PCDHGA7: variants seen among roughly 807,000 people sequenced by gnomAD.
The protein encoded by PCDHGA7 is protocadherin gamma-A7.
Under a neutral mutation model 58.3 loss-of-function variants are expected in PCDHGA7, and 44 were observed. The observed-to-expected ratio is 0.75, with a 90% CI of 0.59 to 0.97. The LOEUF (loss-of-function observed/expected upper bound fraction) is 0.97, where lower values mean the gene tolerates loss of function less well. Ranked by LOEUF, PCDHGA7 falls within the 50% of genes least tolerant of loss-of-function variation. The pLI is 0.00. For missense variants in PCDHGA7, 1,266 were observed against 1,188.7 expected (o/e 1.06, Z -0.96); for synonymous variants, 516 against 504.2 (o/e 1.02, Z -0.31).
At chr5:141,402,487 A>G (rs1239262921) in intron 1 of PCDHGA7, among the ~76,000 whole-genome samples, 1 of 152,226 alleles carries the variant, frequency 6.6e-6, no homozygotes, top group Non-Finnish European at 1.5e-5. Flanking sequence ...AAGTTCTACC[A>G]AGAATAAGAA....
intron 1 of PCDHGA7, chr5:141,423,601 C>A (rs372165060): frequency 1.9e-6 from 3 of 1,612,704 alleles, no homozygotes; most frequent in Non-Finnish European, 2.5e-6. Flanking sequence ...AAGCGAGCCA[C>A]TCTTGATAGC....
intron 1 of PCDHGA7, among the ~76,000 whole-genome samples, chr5:141,471,887 G>T (rs1215891997): frequency 6.6e-6 from 1 of 152,152 alleles, no homozygotes; most frequent in African/African-American, 2.4e-5. Context: ...CTGAAGCTAG[G>T]AAGATTGACT....
At chr5:141,452,839 C>A (rs939513310) in intron 1 of PCDHGA7, among the ~76,000 whole-genome samples, 2 of 152,092 alleles carry the variant, frequency 1.3e-5, no homozygotes, top group Non-Finnish European at 2.9e-5. Flanking sequence ...TTGGTCCAGC[C>A]CACACTCTGG....
rs778246278 is a variant in PCDHGA7 at position 141,491,522 on chromosome 5, A to C, written c.2425-3285A>C. The C allele has an allele frequency of 6.2e-6, 10 of 1,614,024 alleles. No individual in the cohort carries two copies. The highest frequency in any genetic ancestry group is 8.5e-6 in the Non-Finnish European group (10 of 1,180,002). ...TCGGACGGCACGCTCAAGTACATGGAGGTGACGCTGCGGCCCACAGACTCG... is the reference window on the plus strand; with the variant it reads ...TCGGACGGCACGCTCAAGTACATGGCGGTGACGCTGCGGCCCACAGACTCG... On this transcript the variant is annotated intron_variant, in intron 1 of 3. Coordinates refer to ENST00000518325, the MANE Select transcript of PCDHGA7 (RefSeq NM_018920.4). The surrounding 1 kb of genome is among the most constrained non-coding windows in gnomAD (Gnocchi z 6.9).
At chr5:141,497,203 G>A (rs750138875) in intron 2 of PCDHGA7, among the ~76,000 whole-genome samples, 25 of 91,718 alleles carry the variant, frequency 2.7e-4, no homozygotes, top group Non-Finnish European at 4.9e-4. Flanking sequence ...AACAATGTGA[G>A]TGTAATGGGG....
chr5:141,423,213 C>A, intron 1 of PCDHGA7: 1 of 1,613,710 alleles, frequency 6.2e-7, no homozygotes, highest in Non-Finnish European at 8.5e-7. Flanking sequence ...TCACGCTCAC[C>A]GTGGCTGTGG....
chr5:141,431,876 GA>G lies in PCDHGA7; in HGVS notation c.2424+46554del. 6.2e-7 allele frequency: 1 copy of G among 1,614,188 alleles called. No individual in the cohort carries two copies. Among genetic ancestry groups the G allele is most frequent in the Non-Finnish European group, 8.5e-7 (1 of 1,180,008 alleles). On this transcript the variant is annotated intron_variant, in intron 1 of 3. Transcript: ENST00000518325. The surrounding 1 kb of genome is among the most constrained non-coding windows in gnomAD (Gnocchi z 4.8). ...ATTAATTGCCCTTTTAAATGTAAATGACCAAGATTCTGAGGAAAACGGACAG... is the reference window on the plus strand; with the variant it reads ...ATTAATTGCCCTTTTAAATGTAAATGCCAAGATTCTGAGGAAAACGGACAG...
At chr5:141,420,473 G>A (rs1016985115) in intron 1 of PCDHGA7, 8 of 707,118 alleles carry the variant, frequency 1.1e-5, no homozygotes, top group Non-Finnish European at 1.6e-5. Flanking sequence ...ACATTTTAAA[G>A]CAAACTACAT....
chr5:141,422,228 T>C (rs1561800204), intron 1 of PCDHGA7: 1 of 1,565,566 alleles, frequency 6.4e-7, no homozygotes, highest in Non-Finnish European at 8.6e-7. Flanking sequence ...ACCACGACGA[T>C]GTTGATCACT....
intron 1 of PCDHGA7, among the ~76,000 whole-genome samples, chr5:141,475,285 A>G (rs2099361212): frequency 6.6e-6 from 1 of 152,244 alleles, no homozygotes; most frequent in Non-Finnish European, 1.5e-5. Context: ...AAGACAGGGT[A>G]GGGAAATTTC....
chr5:141,431,162 G>C lies in PCDHGA7; in HGVS notation c.2424+45839G>C, dbSNP rs757521794. The C allele has an allele frequency of 3.1e-6, 5 of 1,614,246 alleles. No homozygotes were observed. The South Asian group carries it at 5.5e-5, about 18-fold the overall frequency. On this transcript the variant is annotated intron_variant, in intron 1 of 3. Coordinates refer to ENST00000518325, the MANE Select transcript of PCDHGA7 (RefSeq NM_018920.4). The surrounding 1 kb of genome is among the most constrained non-coding windows in gnomAD (Gnocchi z 4.8). Reference sequence around the variant, plus strand: ...TAACGACAATGCGCCTTACTTTCGTGAAAGTGAATTAGAAATAAAAATTAG... The same window carrying C: ...TAACGACAATGCGCCTTACTTTCGTCAAAGTGAATTAGAAATAAAAATTAG...
intron 1 of PCDHGA7, chr5:141,389,158 G>C (rs774342496): frequency 5.6e-6 from 9 of 1,613,968 alleles, no homozygotes; most frequent in Non-Finnish European, 7.6e-6. Context: ...GCAACAGATC[G>C]GGGCAAGCCT....
At chr5:141,504,986 AC>A (rs1225847397) in intron 2 of PCDHGA7, among the ~76,000 whole-genome samples, 4 of 151,936 alleles carry the variant, frequency 2.6e-5, no homozygotes, top group Non-Finnish European at 5.9e-5. Context: ...ACATGGTGAA[AC>A]CCCGTCTGTA....
chr5:141,407,947 G>C (rs910743144), intron 1 of PCDHGA7: 7 of 561,352 alleles, frequency 1.2e-5, no homozygotes, highest in South Asian at 3.4e-5. Context: ...CGCCGCTGTC[G>C]GCCAGTGCAG....
intron 1 of PCDHGA7, among the ~76,000 whole-genome samples, chr5:141,406,925 GTAT>G (rs2094866637): frequency 6.6e-6 from 1 of 152,150 alleles, no homozygotes; most frequent in South Asian, 2.1e-4. Flanking sequence ...AGAGAATAAT[GTAT>G]TATTTAATGT....
At chr5:141,419,246 GAAAACAACCAGCC>G (rs749331717) in intron 1 of PCDHGA7, 1 of 1,614,004 alleles carries the variant, frequency 6.2e-7, no homozygotes, top group South Asian at 1.1e-5. Flanking sequence ...CCACGTGCCA[GAAAACAACCAGCC>G]GGGTGCCTCC....
At chr5:141,482,205 C>T (rs1478729653) in intron 1 of PCDHGA7, among the ~76,000 whole-genome samples, 1 of 151,896 alleles carries the variant, frequency 6.6e-6, no homozygotes, top group Non-Finnish European at 1.5e-5. Context: ...TAAAACAGAC[C>T]AGGTACTTGT....
intron 1 of PCDHGA7, chr5:141,408,283 C>G (rs62378453): frequency 0.09 from 144,952 of 1,612,732 alleles, 7,152 homozygotes; most frequent in African/African-American, 0.18. Flanking sequence ...TGTTCTACCC[C>G]ACCCTGAGTG....
At chr5:141,459,814 T>C (rs757306281) in intron 1 of PCDHGA7, among the ~76,000 whole-genome samples, 1 of 152,256 alleles carries the variant, frequency 6.6e-6, no homozygotes, top group African/African-American at 2.4e-5. Flanking sequence ...CTAGAGACAC[T>C]GAGCAACTTT....
Sources: allele counts gnomAD v4.1 joint callset (sites outside exome capture counted in the v4.1 genomes callset), GRCh38; gene constraint gnomAD v4.1.1; non-coding constraint Gnocchi (gnomAD v3.1); transcripts MANE v1.5; gene names NCBI Gene and HGNC (gene_info 2026-07-23, HGNC 2026-07-21).